The following AMBRA1 variants were observed in gnomAD, a reference collection of about 807,000 sequenced individuals.
The protein encoded by AMBRA1 is autophagy and beclin 1 regulator 1.
In AMBRA1, 47 loss-of-function variants were observed where a neutral mutation model predicts 125.4. The ratio of observed to expected loss-of-function variants is 0.37; its 90% CI spans 0.30 to 0.48. AMBRA1 has a LOEUF of 0.48. AMBRA1 is among the 20% of genes least tolerant of loss of function. AMBRA1 has a pLI of 0.99. For missense variants in AMBRA1, 1,331 were observed against 1,693.4 expected, an observed-to-expected ratio of 0.79 and a Z score of 3.76; for synonymous variants, 626 against 655.5, an observed-to-expected ratio of 0.95 and a Z score of 0.69.
At chr11:46,546,836 C>T (rs187515677) in intron 4 of AMBRA1, among the ~76,000 whole-genome samples, 3 of 152,088 alleles carry the variant, frequency 2.0e-5, no homozygotes, top group African/African-American at 4.8e-5. Context: ...TTTGGGAGGC[C>T]GAGGCAGGCA....
chr11:46,429,427 C>T (rs1173638910), intron 14 of AMBRA1, among the ~76,000 whole-genome samples: 2 of 152,228 alleles, frequency 1.3e-5, no homozygotes, highest in Non-Finnish European at 2.9e-5. Flanking sequence ...CTACAATCCC[C>T]ACTTATTGGG....
chr11:46,521,122 TG>T (rs1951742129), intron 7 of AMBRA1, among the ~76,000 whole-genome samples: 1 of 152,226 alleles, frequency 6.6e-6, no homozygotes, highest in Non-Finnish European at 1.5e-5. Flanking sequence ...AAGACCTATC[TG>T]GTTGCCCCTC....
At chr11:46,418,988 T>TA (rs1473918150) in intron 14 of AMBRA1, among the ~76,000 whole-genome samples, 6 of 150,296 alleles carry the variant, frequency 4.0e-5, no homozygotes, top group Non-Finnish European at 8.9e-5. Flanking sequence ...TTGGAGGTGA[T>TA]AGGGGGGCGG....
At chr11:46,525,933 C>A (rs535665937) in intron 7 of AMBRA1, among the ~76,000 whole-genome samples, 1 of 151,962 alleles carries the variant, frequency 6.6e-6, no homozygotes, top group African/African-American at 2.4e-5. Flanking sequence ...AGGCTAGGTG[C>A]GGTGGCTCAC....
intron 7 of AMBRA1, among the ~76,000 whole-genome samples, chr11:46,539,065 G>T (rs1952616629): frequency 6.6e-6 from 1 of 151,500 alleles, no homozygotes; most frequent in Non-Finnish European, 1.5e-5. Context: ...AAAATCTAGT[G>T]GTTACAGACA....
chr11:46,450,243 G>C (rs930913696), intron 11 of AMBRA1, among the ~76,000 whole-genome samples: 11 of 152,070 alleles, frequency 7.2e-5, no homozygotes, highest in African/African-American at 2.7e-4. Flanking sequence ...AAAGAAATGA[G>C]CTATCAATCC....
At chr11:46,593,683 C>T (rs1355409012) in intron 1 of AMBRA1, 145 bp downstream of exon 1, 1 of 355,134 alleles carries the variant, frequency 2.8e-6, no homozygotes, top group African/African-American at 2.1e-5. Context: ...CCCCTCCGGC[C>T]GCGCCCCTCA....
At chr11:46,530,251 T>C (rs1378059575) in intron 7 of AMBRA1, among the ~76,000 whole-genome samples, 1 of 152,170 alleles carries the variant, frequency 6.6e-6, no homozygotes, top group Non-Finnish European at 1.5e-5. Context: ...CGATTACATC[T>C]TTTCATGTTT....
intron 11 of AMBRA1, among the ~76,000 whole-genome samples, chr11:46,478,952 A>G (rs994026356): frequency 6.6e-6 from 1 of 152,194 alleles, no homozygotes; most frequent in Non-Finnish European, 1.5e-5. Context: ...TAATCCTAAC[A>G]CTTTGGGAGG....
chr11:46,557,841 G>GCA (rs2043204420), intron 1 of AMBRA1, among the ~76,000 whole-genome samples: 2 of 152,078 alleles, frequency 1.3e-5, no homozygotes, highest in Non-Finnish European at 2.9e-5. Flanking sequence ...GCATGGTGAT[G>GCA]CATGCCTGTA....
At chr11:46,498,635 G>C (rs1219398236) in intron 9 of AMBRA1, among the ~76,000 whole-genome samples, 1 of 152,194 alleles carries the variant, frequency 6.6e-6, no homozygotes, top group Non-Finnish European at 1.5e-5. Context: ...TTGCCTCGGA[G>C]AGAGGCTGTA....
intron 7 of AMBRA1, among the ~76,000 whole-genome samples, chr11:46,517,901 T>G (rs953307056): frequency 6.7e-6 from 1 of 149,244 alleles, no homozygotes; most frequent in Non-Finnish European, 1.5e-5. Flanking sequence ...ACTATAAGCA[T>G]ATAAAAGTAT....
In AMBRA1 at chr11:46,542,242, G is replaced by A. The variant is rs142357580; in HGVS notation, c.1775C>T (p.Ser592Phe). The A allele has an allele frequency of 6.2e-7, 1 of 1,614,112 alleles. No individual in the cohort carries two copies. The highest frequency in any genetic ancestry group is 1.1e-5 in the South Asian group (1 of 91,088). ...LRWERTTPNYSSGEASSSWQV... is the reference protein window; with the variant it reads ...LRWERTTPNYFSGEASSSWQV... Reference sequence around the variant, plus strand: ...CCAAGAGGAACTAGCCTCGCCAGAGGAGTAGTTAGGTGTGGTTCTTTCCCA... The same window carrying A: ...CCAAGAGGAACTAGCCTCGCCAGAGAAGTAGTTAGGTGTGGTTCTTTCCCA... The change falls in exon 7 of 18, where the codon TCC becomes TTC. Residue 592 changes from serine to phenylalanine, a missense_variant. This residue lies in a region of AMBRA1 where 689 missense variants were observed against 776.5 expected (regional missense o/e 0.89). Coordinates refer to ENST00000683756, the MANE Select transcript of AMBRA1 (RefSeq NM_001387011.1). This position sits in a 1 kb window ranked among gnomAD's most constrained non-coding sequence, Gnocchi z 5.9.
intron 7 of AMBRA1, among the ~76,000 whole-genome samples, chr11:46,522,449 A>G (rs1951803812): frequency 6.6e-6 from 1 of 152,218 alleles, no homozygotes. Context: ...CACAGACCAC[A>G]GACTTTTTTT....
intron 11 of AMBRA1, among the ~76,000 whole-genome samples, chr11:46,483,921 T>C (rs1225417108): frequency 1.3e-5 from 2 of 150,570 alleles, no homozygotes. Flanking sequence ...AAGAAGGAGG[T>C]AGGGGGTTAG....
chr11:46,399,915 G>A (rs551026704), intron 17 of AMBRA1, among the ~76,000 whole-genome samples: 1 of 127,082 alleles, frequency 7.9e-6, no homozygotes, highest in Non-Finnish European at 1.5e-5. Flanking sequence ...AAAAGACTTC[G>A]GCTCAAATCT....
chr11:46,546,033 C>CTTTTT (rs35703280), intron 4 of AMBRA1: 27 of 139,158 alleles, frequency 1.9e-4, no homozygotes, highest in South Asian at 5.1e-4. Flanking sequence ...GTTCCTATTT[C>CTTTTT]TTTTTTTTTT....
chr11:46,568,803 C>CATTTTTTTTTTTTTTTTTTT (rs2043639005), intron 1 of AMBRA1, among the ~76,000 whole-genome samples: 1 of 96,466 alleles, frequency 1.0e-5, no homozygotes, highest in African/African-American at 4.6e-5. Flanking sequence ...TCAACCCTAC[C>CATTTTTTTTTTTTTTTTTTT]TTTTTTTTTT....
intron 9 of AMBRA1, chr11:46,495,066 T>A (rs1370234635): frequency 1.3e-5 from 2 of 152,224 alleles, no homozygotes; most frequent in Admixed American, 6.5e-5. Flanking sequence ...AGATTGGACT[T>A]TGAAGTCCTA....
Sources: gnomAD v4.1 joint callset for allele counts (sites outside exome capture counted in the v4.1 genomes callset) on GRCh38, gnomAD v4.1.1 for gene constraint, gnomAD v4.1.1 regional missense constraint, Gnocchi (gnomAD v3.1) non-coding constraint, MANE v1.5 for transcripts, NCBI Gene and HGNC (gene_info 2026-07-23, HGNC 2026-07-21) for gene names.